NPC1L1: variants seen among roughly 807,000 people sequenced by gnomAD.
NPC1L1 encodes the protein NPC1-like intracellular cholesterol transporter 1.
NPC1L1 carries 98 observed loss-of-function variants against 117.0 expected under a neutral mutation model. That is an observed-to-expected ratio of 0.84 (90% CI 0.71 to 0.99). The LOEUF (loss-of-function observed/expected upper bound fraction) is 0.99, where lower values mean the gene tolerates loss of function less well. Ranked by LOEUF, NPC1L1 falls within the 50% of genes least tolerant of loss-of-function variation. NPC1L1 has a pLI of 0.00. For missense variants in NPC1L1, 1,540 were observed against 1,710.0 expected (o/e 0.90, Z 1.75); for synonymous variants, 729 against 727.6 (o/e 1.00, Z -0.03).
chr7:44,518,991 TTCTC>T (rs1236651300), intron 14 of NPC1L1, among the ~76,000 whole-genome samples: 4 of 151,680 alleles, frequency 2.6e-5, no homozygotes, highest in Non-Finnish European at 1.5e-5. Flanking sequence ...TTCTTTCTCT[TTCTC>T]TCTCTTTCTC....
intron 9 of NPC1L1, 82 bp from the exon 10 acceptor site, chr7:44,531,926 T>C: frequency 1.3e-6 from 2 of 1,523,348 alleles, no homozygotes; most frequent in Non-Finnish European, 1.8e-6. Context: ...AGTCAGGGTG[T>C]CATGGGCAAC....
intron 8 of NPC1L1, 105 bp downstream of exon 8, chr7:44,533,326 C>A: frequency 1.4e-6 from 2 of 1,385,556 alleles, no homozygotes; most frequent in Non-Finnish European, 1.0e-6. Context: ...CCCTGTCCCC[C>A]ACCCCATTCT....
At position 44,538,815 on chromosome 7, in the gene NPC1L1, A is replaced by C; in HGVS notation, c.1580+2T>G. On this transcript the variant is annotated splice_donor_variant, in intron 2 of 18. Coordinates refer to ENST00000381160, the MANE Select transcript of NPC1L1 (RefSeq NM_001101648.2). LOFTEE classifies it high-confidence loss of function. The surrounding 1 kb of genome is among the most constrained non-coding windows in gnomAD (Gnocchi z 5.9). ...CTCGCTTGGGCCCCACCATGGACTCACTTGGCACAGTACAGAAAATGGTCC... is the reference window on the plus strand; with the variant it reads ...CTCGCTTGGGCCCCACCATGGACTCCCTTGGCACAGTACAGAAAATGGTCC... 6.2e-7 allele frequency: 1 copy of C among 1,614,100 alleles called. No homozygotes were observed. Among genetic ancestry groups the C allele is most frequent in the Non-Finnish European group, 8.5e-7 (1 of 1,180,006 alleles).
Position 44,533,547 on chromosome 7 carries a change from G to A in NPC1L1, c.2293C>T (p.Pro765Ser). The A allele has an allele frequency of 6.2e-7, 1 of 1,614,190 alleles. No homozygotes were observed. The highest frequency in any genetic ancestry group is 8.5e-7 in the Non-Finnish European group (1 of 1,180,028). Residue 765 changes from proline to serine, a missense_variant, in exon 8 of 19, where the codon CCC becomes TCC. Physicochemically the swap from Pro to Ser is moderately conservative, Grantham distance 74. Coordinates refer to ENST00000381160, the MANE Select transcript of NPC1L1 (RefSeq NM_001101648.2). ...AICFFLGALT[P>S]MPAVRTFALT... is the part of the protein sequence containing the mutation. ...GCAAAGGTCCGCACAGCTGGCATGG[G>A]GGTCAGGGCCCCTGTGAGGGAGCAG...
chr7:44,532,494 T>C (rs1801737397), intron 8 of NPC1L1, among the ~76,000 whole-genome samples: 1 of 152,234 alleles, frequency 6.6e-6, no homozygotes, highest in Non-Finnish European at 1.5e-5. Flanking sequence ...TGGGCTCACT[T>C]ATCCCTGGAT....
At position 44,536,367 on chromosome 7, in the gene NPC1L1, G is replaced by A. The variant is rs754057092; in HGVS notation, c.1743C>T (p.Ala581=). 2.5e-5 allele frequency: 40 copies of A among 1,614,082 alleles called. 1 individual carries two copies. Among genetic ancestry groups the A allele is most frequent in the South Asian group, 1.1e-4 (10 of 91,096 alleles). Reference sequence around the variant, plus strand: ...TGGCCTGGGCCAGACGGGGGTCCCCGGCAGGGTAATTGTTGAGGGAGAACG... The same window carrying A: ...TGGCCTGGGCCAGACGGGGGTCCCCAGCAGGGTAATTGTTGAGGGAGAACG... ...IMTFSLNNYP[A]GDPRLAQAKL... Residue 581 remains alanine (A), a synonymous_variant, in exon 4 of 19, where the codon GCC becomes GCT. Transcript: ENST00000381160. The surrounding 1 kb of genome is among the most constrained non-coding windows in gnomAD (Gnocchi z 4.7).
chr7:44,517,630 A>G (rs926150253), intron 14 of NPC1L1, among the ~76,000 whole-genome samples: 9 of 152,158 alleles, frequency 5.9e-5, no homozygotes, highest in African/African-American at 2.2e-4. Context: ...TCCCTAGTGA[A>G]CCGAGATTCT....
Position 44,540,186 on chromosome 7 carries a change from GGTGATCACCT to G in NPC1L1, c.201_210del (p.Gly68Ter). On this transcript the variant is annotated frameshift_variant, in exon 2 of 19. Coordinates refer to ENST00000381160, the MANE Select transcript of NPC1L1 (RefSeq NM_001101648.2). LOFTEE classifies it high-confidence loss of function. ...GGGCAGATCTTCTGTAATAGGATCA[GGTGATCACCT>G]GTGATCTTGCGGGCCGGCGTGTTGG... is the stretch of plus-strand genomic sequence containing the variant. The G allele has an allele frequency of 6.2e-7, 1 of 1,614,088 alleles. No homozygotes were observed. The highest frequency in any genetic ancestry group is 1.3e-5 in the African/African-American group (1 of 75,010).
At chr7:44,533,200 C>G in intron 8 of NPC1L1, 1 of 455,362 alleles carries the variant, frequency 2.2e-6, no homozygotes, top group Non-Finnish European at 4.1e-6. Context: ...TTTTATTTCT[C>G]AACATCATGC....
intron 15 of NPC1L1, 132 bp downstream of exon 15, chr7:44,517,075 G>T: frequency 6.9e-7 from 1 of 1,450,044 alleles, no homozygotes; most frequent in Non-Finnish European, 9.7e-7. Context: ...ATAGGCCCAA[G>T]GCTGCAGCCA....
chr7:44,533,583 G>A (rs1341960939), intron 7 of NPC1L1, 25 bp from the exon 8 acceptor site: 1 of 1,613,942 alleles, frequency 6.2e-7, no homozygotes, highest in Non-Finnish European at 8.5e-7. Context: ...AGGGCTGTCA[G>A]GGCACCCTGG....
intron 15 of NPC1L1, 57 bp downstream of exon 15, chr7:44,517,150 T>C (rs1223597798): frequency 6.2e-7 from 1 of 1,610,580 alleles, no homozygotes; most frequent in Non-Finnish European, 8.5e-7. Flanking sequence ...CACCCTAACC[T>C]CCAGTCTCCA....
intron 1 of NPC1L1, 28 bp from the exon 2 acceptor site, chr7:44,540,370 G>C: frequency 6.2e-7 from 1 of 1,601,908 alleles, no homozygotes; most frequent in South Asian, 1.1e-5. Context: ...ATCACGCGTG[G>C]GCCCTGACAC....
chr7:44,515,677 G>T, intron 18 of NPC1L1, 126 bp downstream of exon 18: 1 of 1,145,814 alleles, frequency 8.7e-7, no homozygotes, highest in Non-Finnish European at 1.3e-6. Context: ...CATGGTCATA[G>T]TCCTGGCTTC....
At chr7:44,530,945 C>T (rs530321440) in intron 10 of NPC1L1, among the ~76,000 whole-genome samples, 1 of 152,350 alleles carries the variant, frequency 6.6e-6, no homozygotes, top group South Asian at 2.1e-4. Flanking sequence ...GCTGCTTCCA[C>T]TGGGGCTCCT....
rs1157616982 is a variant in NPC1L1 at position 44,513,344 on chromosome 7, C to T, written c.*103G>A. The T allele has an allele frequency of 1.8e-6, 2 of 1,139,594 alleles. No individual in the cohort carries two copies. The highest frequency in any genetic ancestry group is 2.6e-6 in the Non-Finnish European group (2 of 758,166). The allele number at this position is 1,139,594 out of a possible 1,614,324, so 70.6% of individuals were successfully genotyped here. A position where few individuals can be genotyped will look rare whatever the true frequency, so the allele number is the denominator to read the frequency against. ...CAGGCAGTCTCATGGGAATGGCCTC[C>T]CCTAGGATTTGAGGAGGGCGTGTGT... On this transcript the variant is annotated 3_prime_UTR_variant, in exon 19 of 19. Coordinates refer to ENST00000381160, the MANE Select transcript of NPC1L1 (RefSeq NM_001101648.2).
Position 44,532,101 on chromosome 7 carries a change from G to T in NPC1L1, c.2526C>A (p.His842Gln). ...TCACCACAACACCTCGAGTGATCCAGTGCAGCAGGAAGGGGGCATAAGCCT... is the reference window on the plus strand; with the variant it reads ...TCACCACAACACCTCGAGTGATCCATTGCAGCAGGAAGGGGGCATAAGCCT... ...FQKAYAPFLL[H>Q]WITRGVVLLL... Residue 842 changes from histidine to glutamine, a missense_variant, in exon 9 of 19, where the codon CAC (histidine) becomes CAA (glutamine). Physicochemically the swap from His to Gln is conservative, Grantham distance 24 (BLOSUM62 0). Coordinates refer to ENST00000381160, the MANE Select transcript of NPC1L1 (RefSeq NM_001101648.2). 1.2e-6 allele frequency: 2 copies of T among 1,614,208 alleles called. No individual in the cohort carries two copies. Among genetic ancestry groups the T allele is most frequent in the Non-Finnish European group, 1.7e-6 (2 of 1,180,048 alleles).
intron 18 of NPC1L1, among the ~76,000 whole-genome samples, chr7:44,513,926 C>T (rs1801113495): frequency 6.6e-6 from 1 of 152,154 alleles, no homozygotes; most frequent in Admixed American, 6.5e-5. Flanking sequence ...ACTGCTCCTC[C>T]TTGCCCCTCT....
chr7:44,514,624 C>T (rs1439289713), intron 18 of NPC1L1, among the ~76,000 whole-genome samples: 3 of 151,270 alleles, frequency 2.0e-5, no homozygotes, highest in Non-Finnish European at 2.9e-5. Flanking sequence ...GCTGAGATTG[C>T]GCCACTGCAC....
Sources: gnomAD v4.1 joint callset for allele counts (sites outside exome capture counted in the v4.1 genomes callset) on GRCh38, gnomAD v4.1.1 for gene constraint, Gnocchi (gnomAD v3.1) non-coding constraint, MANE v1.5 for transcripts, NCBI Gene and HGNC (gene_info 2026-07-23, HGNC 2026-07-21) for gene names.